The following CUX1 variants were observed in gnomAD, a reference collection of about 807,000 sequenced individuals.
CUX1 encodes protein CASP.
In CUX1, 31 loss-of-function variants were observed where a neutral mutation model predicts 158.8. That is an observed-to-expected ratio of 0.20 (90% CI 0.15 to 0.26). CUX1 has a LOEUF of 0.26. Among genes scored for constraint, CUX1 ranks in the 10% least tolerant of loss-of-function variants. The pLI, the probability that CUX1 is intolerant of heterozygous loss-of-function variation, is 1.00. For missense variants in CUX1, 1,589 were observed against 2,014.6 expected, an observed-to-expected ratio of 0.79 and a Z score of 4.04; for synonymous variants, 879 against 862.1, an observed-to-expected ratio of 1.02 and a Z score of -0.34.
At chr7:101,984,133 C>CATATATATATATATATATATATAT (rs1563092159) in intron 2 of CUX1, among the ~76,000 whole-genome samples, 1 of 53,774 alleles carries the variant, frequency 1.9e-5, no homozygotes, top group African/African-American at 6.9e-5. Context: ...TATATATACA[C>CATATATATATATATATATATATAT]ACACACATAT....
chr7:101,975,089 A>G (rs1469162675), intron 2 of CUX1, among the ~76,000 whole-genome samples: 2 of 152,074 alleles, frequency 1.3e-5, no homozygotes, highest in African/African-American at 2.4e-5. Flanking sequence ...CGTCCCCACT[A>G]AAAATACAAA....
chr7:102,224,028 G>A (rs913310041), intron 20 of CUX1, among the ~76,000 whole-genome samples: 6 of 152,170 alleles, frequency 3.9e-5, no homozygotes, highest in East Asian at 3.9e-4. Flanking sequence ...GTGGATTCAC[G>A]GTGTCTCCAA....
chr7:101,856,943 A>T (rs1465972315), intron 1 of CUX1, among the ~76,000 whole-genome samples: 1 of 152,106 alleles, frequency 6.6e-6, no homozygotes, highest in Admixed American at 6.5e-5. Context: ...TCATGCAGCC[A>T]CGCCTCTGCT....
intron 3 of CUX1, among the ~76,000 whole-genome samples, chr7:102,047,739 T>G (rs1822996955): frequency 6.6e-6 from 1 of 152,176 alleles, no homozygotes; most frequent in East Asian, 1.9e-4. Context: ...GAATTTAAAT[T>G]TCTAGGGTAT....
At chr7:102,125,279 G>C (rs1343539322) in intron 8 of CUX1, among the ~76,000 whole-genome samples, 1 of 152,120 alleles carries the variant, frequency 6.6e-6, no homozygotes, top group African/African-American at 2.4e-5. Flanking sequence ...GGACGTTTGC[G>C]CTCTGGAAAG....
chr7:102,275,213 G>T (rs1554547425), intron 16 of CUX1: 1 of 1,530,658 alleles, frequency 6.5e-7, no homozygotes, highest in African/African-American at 1.4e-5. Context: ...TCCACCTCCT[G>T]CCACCCCCCA....
At chr7:102,275,212 T>A in intron 16 of CUX1, 16 of 1,529,294 alleles carry the variant, frequency 1.0e-5, no homozygotes, top group Non-Finnish European at 1.4e-5. Context: ...TTCCACCTCC[T>A]GCCACCCCCC....
At chr7:101,956,737 C>T (rs1809827925) in intron 2 of CUX1, among the ~76,000 whole-genome samples, 1 of 152,168 alleles carries the variant, frequency 6.6e-6, no homozygotes, top group South Asian at 2.1e-4. Context: ...GGGTTGAGTG[C>T]GGGAGTTTGA....
chr7:101,819,424 C>G (rs569900275), intron 1 of CUX1, among the ~76,000 whole-genome samples: 1 of 152,288 alleles, frequency 6.6e-6, no homozygotes, highest in African/African-American at 2.4e-5. Flanking sequence ...CCAGCCTTCC[C>G]CTTTAAGCAG....
chr7:101,896,499 CAG>C (rs1173246450), intron 1 of CUX1, among the ~76,000 whole-genome samples: 3 of 152,200 alleles, frequency 2.0e-5, no homozygotes, highest in Non-Finnish European at 4.4e-5. Flanking sequence ...CTCTGCTCCT[CAG>C]GGGAAAATGG....
intron 1 of CUX1, chr7:101,913,550 GC>G: frequency 2.7e-6 from 1 of 369,004 alleles, no homozygotes; most frequent in South Asian, 3.6e-5. Flanking sequence ...GACGGAGGGG[GC>G]CCACAGACCC....
chr7:102,111,439 G>C (rs1554490005), intron 6 of CUX1, among the ~76,000 whole-genome samples: 2 of 151,954 alleles, frequency 1.3e-5, no homozygotes, highest in African/African-American at 4.8e-5. Flanking sequence ...ATTACATTTA[G>C]GATAACCTTC....
chr7:102,278,420 T>A (rs760787746), intron 18 of CUX1, among the ~76,000 whole-genome samples: 1 of 151,598 alleles, frequency 6.6e-6, no homozygotes, highest in South Asian at 2.1e-4. Flanking sequence ...TGAAACCCCG[T>A]CTCTACTAAA....
At chr7:101,859,396 T>C (rs1355740072) in intron 1 of CUX1, among the ~76,000 whole-genome samples, 1 of 152,240 alleles carries the variant, frequency 6.6e-6, no homozygotes, top group African/African-American at 2.4e-5. Flanking sequence ...ATATCTTTTC[T>C]CAACAAATTG....
downstream of CUX1, among the ~76,000 whole-genome samples, chr7:102,262,927 G>A (rs1030868785): frequency 7.2e-5 from 11 of 152,064 alleles, no homozygotes; most frequent in South Asian, 2.1e-4. Flanking sequence ...GACAGTAGAC[G>A]TAATAAATAA....
In CUX1 at chr7:102,201,169, G is replaced by T. The variant is rs1042876540; in HGVS notation, c.2063-191G>T. ...AAGGCCACCAGGTCATCAAGCTGTA[G>T]TGTCAGGCCCTGGTCCTTGGTTGAG... On this transcript the variant is annotated intron_variant, in intron 17 of 23. Transcript: ENST00000292535. This position sits in a 1 kb window ranked among gnomAD's most constrained non-coding sequence, Gnocchi z 5.0. 1.3e-5 allele frequency among the ~76,000 whole-genome samples: 2 copies of T among 151,898 alleles called. No homozygotes were observed. The highest frequency in any genetic ancestry group is 4.8e-5 in the African/African-American group (2 of 41,312).
chr7:102,164,693 C>T (rs1242865377), intron 9 of CUX1, among the ~76,000 whole-genome samples: 3 of 152,218 alleles, frequency 2.0e-5, no homozygotes, highest in Non-Finnish European at 4.4e-5. Flanking sequence ...CGACCTCCTT[C>T]CTGCAGAGTC....
chr7:102,194,492 T>TG (rs1794590810), intron 13 of CUX1, among the ~76,000 whole-genome samples: 1 of 151,464 alleles, frequency 6.6e-6, no homozygotes, highest in Non-Finnish European at 1.5e-5. Context: ...CCCAGCTACT[T>TG]GGGAGGCTGA....
chr7:102,164,485 C>T (rs1405696427), intron 9 of CUX1, among the ~76,000 whole-genome samples: 1 of 152,368 alleles, frequency 6.6e-6, no homozygotes, highest in East Asian at 1.9e-4. Context: ...GAGCTGCCCT[C>T]TTCCTGTTCA....
Sources: gnomAD v4.1 joint callset for allele counts (sites outside exome capture counted in the v4.1 genomes callset) on GRCh38, gnomAD v4.1.1 for gene constraint, Gnocchi (gnomAD v3.1) non-coding constraint, MANE v1.5 for transcripts, NCBI Gene and HGNC (gene_info 2026-07-23, HGNC 2026-07-21) for gene names.